MLIP: variants seen among roughly 807,000 people sequenced by gnomAD.
MLIP encodes the protein muscular LMNA interacting protein, also known as muscular LMNA-interacting protein.
Under a neutral mutation model 84.8 loss-of-function variants are expected in MLIP, and 79 were observed. The observed-to-expected ratio is 0.93, with a 90% CI of 0.78 to 1.12. MLIP has a LOEUF of 1.12. Among genes scored for constraint, MLIP ranks in the 50% most tolerant of loss-of-function variants. The pLI is 0.00. For missense variants in MLIP, 1,257 were observed against 1,160.6 expected, an observed-to-expected ratio of 1.08 and a Z score of -1.21; for synonymous variants, 504 against 463.0, an observed-to-expected ratio of 1.09 and a Z score of -1.14.
chr6:54,212,155 C>T (rs1380313192), intron 11 of MLIP, among the ~76,000 whole-genome samples: 1 of 152,132 alleles, frequency 6.6e-6, no homozygotes, highest in Non-Finnish European at 1.5e-5. Context: ...TTCTTTCTTA[C>T]TTGTTTCCCT....
intron 1 of MLIP, among the ~76,000 whole-genome samples, chr6:54,092,079 T>C (rs557018): frequency 0.83 from 126,306 of 152,102 alleles, 53,431 homozygotes; most frequent in East Asian, 0.96. Context: ...GAATTAAATA[T>C]CCAAGAGAGA....
rs2150482818 is a variant in MLIP at position 54,136,941 on chromosome 6, A to G, written c.872A>G (p.Lys291Arg). 6.5e-7 allele frequency: 1 copy of G among 1,535,990 alleles called. No individual in the cohort carries two copies. The highest frequency in any genetic ancestry group is 2.4e-5 in the East Asian group (1 of 40,910). ...CACTCTACACCCTTTTCTGCATCGA[A>G]GGGCACCTCCTCGACGTTACTGTTT... ...TAHSTPFSAS[K>R]GTSSTLLFPH... Residue 291 changes from lysine to arginine, a missense_variant, in exon 4 of 14, where the codon AAG (lysine) becomes AGG (arginine). Lys to Arg is a conservative substitution (Grantham distance 26). Coordinates refer to ENST00000502396, the MANE Select transcript of MLIP (RefSeq NM_001281747.2).
At chr6:54,054,686 G>A (rs780486719) in intron 1 of MLIP, among the ~76,000 whole-genome samples, 49 of 152,228 alleles carry the variant, frequency 3.2e-4, no homozygotes, top group Admixed American at 1.3e-3. Context: ...TAAGTAGAAC[G>A]TTGCATTATC....
At position 54,102,660 on chromosome 6, in the gene MLIP, C is replaced by G. The variant is rs558492364; in HGVS notation, c.64-18787C>G. Among the ~76,000 whole-genome samples the G allele has an allele frequency of 2.3e-4, 35 of 152,270 alleles. No homozygotes were observed. The South Asian group carries it at 2.7e-3, about 12-fold the overall frequency. On this transcript the variant is annotated intron_variant, in intron 1 of 12. Transcript: ENST00000274897. Reference sequence around the variant, plus strand: ...TCCTTGAAACAGAAATCCCTCCTGTCCTCTCTGAATCTTCCATACATCTAG... The same window carrying G: ...TCCTTGAAACAGAAATCCCTCCTGTGCTCTCTGAATCTTCCATACATCTAG...
chr6:54,073,871 A>G (rs982031461), intron 1 of MLIP, among the ~76,000 whole-genome samples: 5 of 152,214 alleles, frequency 3.3e-5, no homozygotes, highest in South Asian at 2.1e-4. Flanking sequence ...ATCCACATTC[A>G]GTTCACTTAT....
At chr6:54,070,363 G>C (rs1287780331) in intron 1 of MLIP, among the ~76,000 whole-genome samples, 1 of 152,062 alleles carries the variant, frequency 6.6e-6, no homozygotes, top group Non-Finnish European at 1.5e-5. Flanking sequence ...CCAGATAATG[G>C]ATTGGTAAGA....
chr6:54,043,851 T>C (rs1303650608), intron 1 of MLIP, among the ~76,000 whole-genome samples: 1 of 152,158 alleles, frequency 6.6e-6, no homozygotes, highest in Non-Finnish European at 1.5e-5. Context: ...TGTGTCATGG[T>C]GACAGTGTGT....
chr6:54,208,364 T>C (rs1779188745), intron 11 of MLIP, among the ~76,000 whole-genome samples: 1 of 152,098 alleles, frequency 6.6e-6, no homozygotes, highest in Admixed American at 6.5e-5. Flanking sequence ...GGTAGAAGGA[T>C]TGCTTGAGCC....
At chr6:54,207,973 A>C (rs1779154226) in intron 11 of MLIP, among the ~76,000 whole-genome samples, 2 of 152,200 alleles carry the variant, frequency 1.3e-5, no homozygotes, top group African/African-American at 4.8e-5. Context: ...AAAAAATTAC[A>C]AAAAATCAGC....
intron 4 of MLIP, among the ~76,000 whole-genome samples, chr6:54,145,787 T>TTC (rs1772755404): frequency 2.3e-5 from 2 of 85,184 alleles, no homozygotes; most frequent in African/African-American, 9.1e-5. Context: ...CACCACCCCC[T>TTC]CCCCCACAAA....
intron 9 of MLIP, among the ~76,000 whole-genome samples, chr6:54,177,636 T>A (rs1371782968): frequency 6.6e-6 from 1 of 152,106 alleles, no homozygotes; most frequent in Non-Finnish European, 1.5e-5. Flanking sequence ...GACAGTGTGG[T>A]GATTCCTTAG....
intron 1 of MLIP, among the ~76,000 whole-genome samples, chr6:54,093,939 T>C (rs1217996964): frequency 1.3e-5 from 2 of 152,204 alleles, no homozygotes; most frequent in African/African-American, 4.8e-5. Flanking sequence ...CTGGGAATTG[T>C]CTGATAATGA....
Position 54,124,641 on chromosome 6 carries a change from G to A in MLIP, c.421G>A (p.Val141Ile). The change falls in exon 3 of 14, where the codon GTC becomes ATC. Residue 141 changes from valine to isoleucine, a missense_variant. Physicochemically the swap from Val to Ile is conservative, Grantham distance 29 (BLOSUM62 3). Transcript: ENST00000502396. ...QQSDLFKAEYVLIVDSEGEDE... is the reference protein window; with the variant it reads ...QQSDLFKAEYILIVDSEGEDE... ...AAGTGACCTCTTCAAAGCTGAATAT[G>A]TCCTTATTGTGGACTCCGAAGGGGA... 1 of 1,614,192 alleles carries A rather than the reference G, an allele frequency of 6.2e-7. No homozygotes were observed. Among genetic ancestry groups the A allele is most frequent in the Non-Finnish European group, 8.5e-7 (1 of 1,180,030 alleles).
intron 1 of MLIP, among the ~76,000 whole-genome samples, chr6:54,038,773 G>T (rs1003905123): frequency 6.6e-6 from 1 of 151,586 alleles, no homozygotes; most frequent in Non-Finnish European, 1.5e-5. Context: ...ATTATATATC[G>T]CTTTCTTTTG....
At chr6:54,255,939 T>C (rs1782976573) in intron 12 of MLIP, among the ~76,000 whole-genome samples, 1 of 152,090 alleles carries the variant, frequency 6.6e-6, no homozygotes, top group African/African-American at 2.4e-5. Flanking sequence ...ATCACTTGGG[T>C]TTGAAGTTTG....
intron 9 of MLIP, among the ~76,000 whole-genome samples, chr6:54,184,166 A>G (rs1455413642): frequency 6.6e-6 from 1 of 152,186 alleles, no homozygotes; most frequent in Non-Finnish European, 1.5e-5. Flanking sequence ...TTAGCACATT[A>G]TCATGGATTA....
At position 54,182,554 on chromosome 6, in the gene MLIP, C is replaced by T. The variant is rs76810707; in HGVS notation, c.2545-7316C>T. ...TAGTTGCTAAAATGTGGTGTTCCTG[C>T]GGGAGGTACGAACACTGTAAGTTTT... On this transcript the variant is annotated intron_variant, in intron 9 of 13. Coordinates refer to ENST00000502396, the MANE Select transcript of MLIP (RefSeq NM_001281747.2). Among the ~76,000 whole-genome samples, 807 of 151,968 alleles carry T rather than the reference C, an allele frequency of 5.3e-3. 11 individuals carry two copies. The highest frequency in any genetic ancestry group is 0.027 in the Middle Eastern group (8 of 294).
chr6:54,194,344 C>A (rs1035751658), intron 10 of MLIP, among the ~76,000 whole-genome samples: 2 of 152,114 alleles, frequency 1.3e-5, no homozygotes, highest in African/African-American at 4.8e-5. Context: ...CTTGACATAA[C>A]GTACTTAAGT....
intron 4 of MLIP, among the ~76,000 whole-genome samples, chr6:54,147,435 G>A (rs1772970538): frequency 6.6e-6 from 1 of 152,178 alleles, no homozygotes; most frequent in South Asian, 2.1e-4. Context: ...GACCACAGCA[G>A]TGCAGGGTTA....
Sources: gnomAD v4.1 joint callset for allele counts (sites outside exome capture counted in the v4.1 genomes callset) on GRCh38, gnomAD v4.1.1 for gene constraint, MANE v1.5 for transcripts, NCBI Gene and HGNC (gene_info 2026-07-23, HGNC 2026-07-21) for gene names.